INO80C: variants seen among roughly 807,000 people sequenced by gnomAD.
INO80C encodes the protein IES6 homolog.
A neutral mutation model predicts 17.7 loss-of-function variants in INO80C; 17 were observed. That is an observed-to-expected ratio of 0.96 (90% CI 0.66 to 1.44). The LOEUF (loss-of-function observed/expected upper bound fraction) is 1.44. Among genes scored for constraint, INO80C ranks in the 40% most tolerant of loss-of-function variants. INO80C has a pLI of 0.00. For synonymous variants in INO80C, 96 were observed against 95.8 expected, an observed-to-expected ratio of 1.00 and a Z score of -0.01; for missense variants, 244 against 245.0, an observed-to-expected ratio of 1.00 and a Z score of 0.03.
rs116182916 is a variant in INO80C at position 35,485,079 on chromosome 18, C to T, written c.157-4516G>A. Among the ~76,000 whole-genome samples, 717 of 152,128 alleles carry T rather than the reference C, an allele frequency of 4.7e-3. 7 individuals carry two copies. The highest frequency in any genetic ancestry group is 0.03 in the East Asian group (153 of 5,178). On this transcript the variant is annotated intron_variant, in intron 1 of 4. Coordinates refer to ENST00000334598, the MANE Select transcript of INO80C (RefSeq NM_194281.4). ...TCTTCTTATAACGGCACCAGTCATC[C>T]AGGATTAGGGCCCACCCAGACGACC...
intron 1 of INO80C, among the ~76,000 whole-genome samples, chr18:35,495,415 T>C (rs926535571): frequency 4.6e-5 from 7 of 152,180 alleles, no homozygotes; most frequent in African/African-American, 1.7e-4. Context: ...CCCTGTCTTC[T>C]TTAGTAAATA....
intron 4 of INO80C, among the ~76,000 whole-genome samples, chr18:35,474,175 A>G (rs377611243): frequency 3.2e-5 from 4 of 126,076 alleles, no homozygotes; most frequent in East Asian, 2.2e-4. Flanking sequence ...ATATATATAT[A>G]TGTATATATA....
At position 35,468,552 on chromosome 18, in the gene INO80C, A is replaced by G; in HGVS notation, c.*59T>C. 9 of 1,605,790 alleles carry G rather than the reference A, an allele frequency of 5.6e-6. No homozygotes were observed. The Admixed American group carries it at 1.5e-4, about 27-fold the overall frequency. ...AACGAGTTTGTTTCCGTGAAACAAA[A>G]TCATGAGTCCAGAGTCTGTTTTTGA... On this transcript the variant is annotated 3_prime_UTR_variant, in exon 5 of 5. Coordinates refer to ENST00000334598, the MANE Select transcript of INO80C (RefSeq NM_194281.4).
intron 1 of INO80C, among the ~76,000 whole-genome samples, chr18:35,494,616 A>G (rs1032327977): frequency 1.3e-5 from 2 of 152,158 alleles, no homozygotes; most frequent in African/African-American, 4.8e-5. Flanking sequence ...GCCCCAAAAG[A>G]ACAGAATTCT....
intron 1 of INO80C, chr18:35,487,415 T>A: frequency 5.1e-6 from 2 of 391,172 alleles, no homozygotes; most frequent in Admixed American, 2.9e-5. Context: ...GGCCTCACAA[T>A]CATGGCGGAA....
At chr18:35,489,354 C>T (rs776922145) in intron 1 of INO80C, 108 of 273,980 alleles carry the variant, frequency 3.9e-4, no homozygotes, top group South Asian at 7.0e-4. Context: ...CTGGGGAGGC[C>T]TCACAATCAT....
intron 1 of INO80C, among the ~76,000 whole-genome samples, chr18:35,495,654 T>C (rs146237057): frequency 6.6e-6 from 1 of 152,050 alleles, no homozygotes; most frequent in Non-Finnish European, 1.5e-5. Context: ...CCCTTTGGGG[T>C]CAAAACAATT....
At chr18:35,478,824 C>T (rs1281647960) in intron 3 of INO80C, among the ~76,000 whole-genome samples, 2 of 152,322 alleles carry the variant, frequency 1.3e-5, no homozygotes, top group East Asian at 3.9e-4. Flanking sequence ...TGAACTTGTA[C>T]TTTCCAGTGA....
At chr18:35,471,526 A>ATGT (rs2045669503) in intron 4 of INO80C, among the ~76,000 whole-genome samples, 1 of 152,166 alleles carries the variant, frequency 6.6e-6, no homozygotes, top group Non-Finnish European at 1.5e-5. Flanking sequence ...ATAGACCTTG[A>ATGT]TGTTGCTTCC....
chr18:35,480,506 C>G lies in INO80C; in HGVS notation c.214G>C (p.Gly72Arg). The change falls in exon 2 of 5, where the codon GGA becomes CGA. Residue 72 changes from glycine to arginine, a missense_variant. Gly to Arg is a moderately radical substitution (Grantham distance 125, BLOSUM62 -2). Coordinates refer to ENST00000334598, the MANE Select transcript of INO80C (RefSeq NM_194281.4). ...GGTTTGGCAGCTTTTTCCACAGGTC[C>G]TGTGCTAAACTCAGAGGGCACCATT... is the stretch of plus-strand genomic sequence containing the variant. ...NKMVPSEFST[G>R]PVEKAAKPLP... 6.2e-7 allele frequency: 1 copy of G among 1,614,178 alleles called. No homozygotes were observed. Among genetic ancestry groups the G allele is most frequent in the Non-Finnish European group, 8.5e-7 (1 of 1,179,988 alleles).
In INO80C at chr18:35,489,685, C is replaced by T. The variant is rs551075074; in HGVS notation, c.156+8034G>A. On this transcript the variant is annotated intron_variant, in intron 1 of 4. Coordinates refer to ENST00000334598, the MANE Select transcript of INO80C (RefSeq NM_194281.4). Reference sequence around the variant, plus strand: ...AAAAAGATATGACAACTAAATACAACGTGTGATCCTGGATTGGATTCTGAA... The same window carrying T: ...AAAAAGATATGACAACTAAATACAATGTGTGATCCTGGATTGGATTCTGAA... Among the ~76,000 whole-genome samples the T allele has an allele frequency of 1.4e-4, 22 of 152,264 alleles. No homozygotes were observed. In the South Asian group the frequency reaches 1.5e-3, roughly 10 times the overall value.
At chr18:35,491,676 G>A (rs929592515) in intron 1 of INO80C, among the ~76,000 whole-genome samples, 2 of 152,170 alleles carry the variant, frequency 1.3e-5, no homozygotes, top group East Asian at 1.9e-4. Flanking sequence ...ACAACAGGAT[G>A]AGAGGGAGAC....
intron 3 of INO80C, chr18:35,479,091 C>T (rs2045773756): frequency 2.2e-6 from 1 of 448,830 alleles, no homozygotes; most frequent in Non-Finnish European, 3.9e-6. Flanking sequence ...AAAAACCACA[C>T]ATCCATGACA....
chr18:35,474,244 T>TATATA (rs1163516427), intron 4 of INO80C, among the ~76,000 whole-genome samples: 1 of 134,710 alleles, frequency 7.4e-6, no homozygotes, highest in African/African-American at 2.8e-5. Flanking sequence ...TATATATATA[T>TATATA]ACTTAATAAC....
rs1285556586 is a variant in INO80C, at chr18:35,480,475, G to T, written c.245C>A (p.Pro82Gln). Reference sequence around the variant, plus strand: ...TACCACAAAGTTGGGATCCTTAAATGGCAAAGGTTTGGCAGCTTTTTCCAC... The same window carrying T: ...TACCACAAAGTTGGGATCCTTAAATTGCAAAGGTTTGGCAGCTTTTTCCAC... ...GPVEKAAKPL[P>Q]FKDPNFVHSG... The change falls in exon 2 of 5, where the codon CCA becomes CAA. Residue 82 changes from proline to glutamine, a missense_variant. By Grantham distance (76) the Pro-to-Gln change is moderately conservative. Transcript: ENST00000334598. The T allele has an allele frequency of 6.2e-7, 1 of 1,613,404 alleles. No homozygotes were observed. Among genetic ancestry groups the T allele is most frequent in the African/African-American group, 1.3e-5 (1 of 75,028 alleles).
intron 4 of INO80C, among the ~76,000 whole-genome samples, chr18:35,473,733 A>G (rs1034236807): frequency 1.3e-5 from 2 of 152,146 alleles, no homozygotes; most frequent in Non-Finnish European, 2.9e-5. Context: ...ACAGCTTGGG[A>G]AAAAAAATCA....
At chr18:35,494,584 A>G (rs2144093660) in intron 1 of INO80C, among the ~76,000 whole-genome samples, 1 of 152,322 alleles carries the variant, frequency 6.6e-6, no homozygotes, top group East Asian at 1.9e-4. Context: ...CAGCAAGAAG[A>G]CAGGGGCCCT....
Position 35,480,537 on chromosome 18 carries a change from C to T in INO80C, c.183G>A (p.Glu61=), listed in dbSNP as rs563782574. The T allele has an allele frequency of 1.5e-5, 25 of 1,613,604 alleles. No individual in the cohort carries two copies. Among genetic ancestry groups the T allele is most frequent in the Admixed American group, 1.0e-4 (6 of 60,030 alleles). The change falls in exon 2 of 5, where the codon GAG becomes GAA. Residue 61 remains glutamate (E), a synonymous_variant. Coordinates refer to ENST00000334598, the MANE Select transcript of INO80C (RefSeq NM_194281.4). ...TAAACTCAGAGGGCACCATTTTATTCTCACTCATGGCTTCCATGCTGATAC... is the reference window on the plus strand; with the variant it reads ...TAAACTCAGAGGGCACCATTTTATTTTCACTCATGGCTTCCATGCTGATAC... ...AQGISMEAMS[E]NKMVPSEFST...
intron 1 of INO80C, among the ~76,000 whole-genome samples, chr18:35,485,089 G>A (rs1473185079): frequency 6.6e-6 from 1 of 151,954 alleles, no homozygotes; most frequent in Non-Finnish European, 1.5e-5. Context: ...CAGGATTAGG[G>A]CCCACCCAGA....
Sources: allele counts gnomAD v4.1 joint callset (sites outside exome capture counted in the v4.1 genomes callset), GRCh38; gene constraint gnomAD v4.1.1; transcripts MANE v1.5; gene names NCBI Gene and HGNC (gene_info 2026-07-23, HGNC 2026-07-21).